Variants in GNG2 observed in about 807,000 individuals in gnomAD.
GNG2 encodes G protein subunit gamma 2, also known as guanine nucleotide-binding protein G(I)/G(S)/G(O) subunit gamma-2.
GNG2 carries 5 observed loss-of-function variants against 5.5 expected under a neutral mutation model. That is an observed-to-expected ratio of 0.91 (90% CI 0.48 to 1.92). The LOEUF (loss-of-function observed/expected upper bound fraction) is 1.92, where lower values mean the gene tolerates loss of function less well. Among genes scored for constraint, GNG2 ranks in the 30% most tolerant of loss-of-function variants. The probability of loss-of-function intolerance (pLI) is 0.01; values close to 1 mark genes in which losing one functional copy is unlikely to be tolerated. For missense variants in GNG2, 55 were observed against 88.4 expected (o/e 0.62, Z 1.52); for synonymous variants, 28 against 32.0 (o/e 0.88, Z 0.42).
At chr14:51,945,264 TAAAAC>T (rs2140273918) in intron 2 of GNG2, among the ~76,000 whole-genome samples, 1 of 152,272 alleles carries the variant, frequency 6.6e-6, no homozygotes, top group South Asian at 2.1e-4. Flanking sequence ...TCATAGTAGC[TAAAAC>T]ATGGAACCAA....
At chr14:51,942,864 G>C (rs543424699) in intron 2 of GNG2, among the ~76,000 whole-genome samples, 2 of 152,156 alleles carry the variant, frequency 1.3e-5, no homozygotes, top group East Asian at 3.9e-4. Flanking sequence ...ATGTGACCCA[G>C]TACTTGGCAG....
In GNG2 at chr14:51,942,601, T is replaced by TCTTTCTTTCTTTCTTTC. The variant is rs1277558601; in HGVS notation, c.-29-8049_-29-8048insCTTTCTTTCTTTCTTTC. Among the ~76,000 whole-genome samples, 4 of 15,388 alleles carry TCTTTCTTTCTTTCTTTC rather than the reference T, an allele frequency of 2.6e-4. No individual in the cohort carries two copies. The East Asian group carries it at 2.7e-3, about 10-fold the overall frequency. The allele number at this position is 15,388 out of a possible 152,430, so 10.1% of individuals were successfully genotyped here. On this transcript the variant is annotated intron_variant, in intron 2 of 3. Coordinates refer to ENST00000556766, the MANE Select transcript of GNG2 (RefSeq NM_053064.5). ...TCTTTCTTTCTTTCTTTTTTTTTTT[T>TCTTTCTTTCTTTCTTTC]TTTTTAGAGACAGGGACTCACTGTG...
At chr14:51,966,444 G>T in intron 3 of GNG2, 115 bp from the exon 4 acceptor site, 1 of 857,514 alleles carries the variant, frequency 1.2e-6, no homozygotes, top group Non-Finnish European at 1.9e-6. Context: ...TTTAGAGGCT[G>T]AGTATCTTGC....
chr14:51,876,080 G>C (rs1290483725), intron 1 of GNG2, among the ~76,000 whole-genome samples: 1 of 151,878 alleles, frequency 6.6e-6, no homozygotes, highest in East Asian at 1.9e-4. Context: ...TGGGACCACA[G>C]GTGTGCATCA....
At chr14:51,856,100 C>A (rs1882144503), upstream of GNG2, among the ~76,000 whole-genome samples, 1 of 152,142 alleles carries the variant, frequency 6.6e-6, no homozygotes, top group Non-Finnish European at 1.5e-5. Flanking sequence ...ATCACTTGAA[C>A]CTGGGAGGTG....
intron 2 of GNG2, among the ~76,000 whole-genome samples, chr14:51,909,000 ACTT>A (rs1484516346): frequency 6.6e-6 from 1 of 152,042 alleles, no homozygotes; most frequent in Non-Finnish European, 1.5e-5. Context: ...TTTCATGTAA[ACTT>A]CTTATATAAC....
upstream of GNG2, chr14:51,860,394 G>C (rs982791436): frequency 6.5e-6 from 1 of 153,000 alleles, no homozygotes; most frequent in Non-Finnish European, 1.5e-5. Context: ...GGAAGGAACA[G>C]ACAGCACCAG....
chr14:51,863,988 A>G (rs1882699158), intron 1 of GNG2, among the ~76,000 whole-genome samples: 1 of 152,224 alleles, frequency 6.6e-6, no homozygotes, highest in South Asian at 2.1e-4. Flanking sequence ...GTGTACAAAT[A>G]TCTGTTAGAG....
intron 2 of GNG2, among the ~76,000 whole-genome samples, chr14:51,847,960 C>T (rs1881715594): frequency 8.6e-6 from 1 of 116,698 alleles, no homozygotes; most frequent in Admixed American, 1.1e-4. Flanking sequence ...GAAGATTAGG[C>T]TTTTCCTTTT....
chr14:51,880,353 G>A (rs1883962020), intron 2 of GNG2, among the ~76,000 whole-genome samples: 1 of 152,114 alleles, frequency 6.6e-6, no homozygotes, highest in African/African-American at 2.4e-5. Context: ...GTGGAAATTG[G>A]AGGAAAAAAT....
chr14:51,946,529 T>G (rs937760766), intron 2 of GNG2, among the ~76,000 whole-genome samples: 4 of 152,144 alleles, frequency 2.6e-5, no homozygotes, highest in Non-Finnish European at 4.4e-5. Context: ...CATCAAAATG[T>G]GTACAGTTTC....
intron 1 of GNG2, among the ~76,000 whole-genome samples, chr14:51,875,951 T>TTTTTTTTTTTA: frequency 6.6e-6 from 1 of 150,782 alleles, no homozygotes; most frequent in Non-Finnish European, 1.5e-5. Flanking sequence ...TTTTTTCTTT[T>TTTTTTTTTTTA]TTCCGAGACA....
At chr14:51,936,539 GA>G (rs1467266379) in intron 2 of GNG2, among the ~76,000 whole-genome samples, 1 of 136,364 alleles carries the variant, frequency 7.3e-6, no homozygotes, top group Non-Finnish European at 1.6e-5. Flanking sequence ...TTACTCCATT[GA>G]TTTTTTTTTT....
rs1004353692 is a variant in GNG2, at chr14:51,918,436, G to A, written c.-29-32214G>A. Reference sequence around the variant, plus strand: ...TTGCAGTTGTGTCTTGATAAAATACGGCAAAGGGTTGAATCCACATTTTCA... The same window carrying A: ...TTGCAGTTGTGTCTTGATAAAATACAGCAAAGGGTTGAATCCACATTTTCA... On this transcript the variant is annotated intron_variant, in intron 2 of 3. Coordinates refer to ENST00000556766, the MANE Select transcript of GNG2 (RefSeq NM_053064.5). The A allele has an allele frequency of 1.1e-4, 16 of 150,738 alleles. 1 individual carries two copies. The highest frequency in any genetic ancestry group is 5.9e-4 in the Admixed American group (9 of 15,142). The allele number at this position is 150,738 out of a possible 1,614,324, so 9.3% of individuals were successfully genotyped here.
chr14:51,842,175 A>G (rs1386921645), intron 2 of GNG2, among the ~76,000 whole-genome samples: 1 of 152,246 alleles, frequency 6.6e-6, no homozygotes, highest in Non-Finnish European at 1.5e-5. Context: ...AAGCTTATTC[A>G]GATATGAGAC....
chr14:51,943,391 G>A lies in GNG2; in HGVS notation c.-29-7259G>A, dbSNP rs1043108655. On this transcript the variant is annotated intron_variant, in intron 2 of 3. Coordinates refer to ENST00000556766, the MANE Select transcript of GNG2 (RefSeq NM_053064.5). ...TTTATTCTCTCTTAAAAAAACTTCC[G>A]CACAATTTGGGTTACATGTAAAATG... is the stretch of plus-strand genomic sequence containing the variant. Among the ~76,000 whole-genome samples the A allele has an allele frequency of 6.6e-5, 10 of 152,040 alleles. No homozygotes were observed. The East Asian group carries it at 1.7e-3, about 26-fold the overall frequency.
intron 2 of GNG2, 92 bp from the exon 3 acceptor site, chr14:51,950,558 C>A: frequency 1.3e-6 from 1 of 752,596 alleles, no homozygotes; most frequent in Non-Finnish European, 2.2e-6. Context: ...TGGCTACAGC[C>A]ACTGCTTTGA....
chr14:51,877,591 C>T (rs969172532), intron 1 of GNG2, 26 bp from the exon 2 acceptor site: 22 of 455,274 alleles, frequency 4.8e-5, no homozygotes, highest in African/African-American at 8.0e-5. Flanking sequence ...TTAAAAAATT[C>T]GTTTTTCTCT....
chr14:51,858,483 GTATAAATACCAACCTATATAGGCTTAAA>G (rs1050764932), upstream of GNG2, among the ~76,000 whole-genome samples: 3 of 152,258 alleles, frequency 2.0e-5, no homozygotes, highest in Admixed American at 6.5e-5. Context: ...ATAGGCTTAA[GTATAAATACCAACCTATATAGGCTTAAA>G]TATAAATACC....
Sources: gnomAD v4.1 joint callset for allele counts (sites outside exome capture counted in the v4.1 genomes callset) on GRCh38, gnomAD v4.1.1 for gene constraint, MANE v1.5 for transcripts, NCBI Gene and HGNC (gene_info 2026-07-23, HGNC 2026-07-21) for gene names.